The following ENPP6 variants were observed in gnomAD, a reference collection of about 807,000 sequenced individuals.
ENPP6 encodes the protein ectonucleotide pyrophosphatase/phosphodiesterase 6.
In ENPP6, 32 loss-of-function variants were observed where a neutral mutation model predicts 42.0. The observed-to-expected ratio is 0.76, with a 90% CI of 0.58 to 1.02. ENPP6 has a LOEUF of 1.02. ENPP6 is among the 50% of genes least tolerant of loss of function. The pLI is 0.00. For synonymous variants in ENPP6, 213 were observed against 216.0 expected, an observed-to-expected ratio of 0.99 and a Z score of 0.12; for missense variants, 552 against 566.8, an observed-to-expected ratio of 0.97 and a Z score of 0.27.
chr4:184,113,370 G>T (rs1490209906), intron 5 of ENPP6, among the ~76,000 whole-genome samples: 3 of 152,040 alleles, frequency 2.0e-5, no homozygotes, highest in Non-Finnish European at 4.4e-5. Flanking sequence ...GTAAACGGAG[G>T]TTTTAATAAT....
intron 2 of ENPP6, among the ~76,000 whole-genome samples, chr4:184,152,335 C>T (rs17486794): frequency 0.11 from 17,458 of 152,152 alleles, 1,255 homozygotes; most frequent in South Asian, 0.2. Flanking sequence ...TGAAGGCCCA[C>T]GCAATCCTTG....
At chr4:184,093,094 G>A (rs1213525575) in intron 7 of ENPP6, among the ~76,000 whole-genome samples, 1 of 152,146 alleles carries the variant, frequency 6.6e-6, no homozygotes, top group African/African-American at 2.4e-5. Flanking sequence ...AGGTGTGTGG[G>A]CTCTACCGCC....
intron 1 of ENPP6, among the ~76,000 whole-genome samples, chr4:184,171,714 A>C (rs1207182599): frequency 6.6e-6 from 1 of 152,244 alleles, no homozygotes. Flanking sequence ...TGATAGAATA[A>C]ATAGACATAT....
intron 1 of ENPP6, among the ~76,000 whole-genome samples, chr4:184,170,138 TC>T (rs1251923087): frequency 7.9e-5 from 12 of 152,348 alleles, no homozygotes; most frequent in African/African-American, 2.6e-4. Context: ...TTTATTTGAA[TC>T]AGCATTCAGG....
chr4:184,193,818 T>A (rs1461325362), intron 1 of ENPP6, among the ~76,000 whole-genome samples: 1 of 152,180 alleles, frequency 6.6e-6, no homozygotes, highest in Non-Finnish European at 1.5e-5. Flanking sequence ...TTTTCCTCCT[T>A]TCCAGCTCCC....
In ENPP6 at chr4:184,091,341, C is replaced by T. The variant is rs1226014124; in HGVS notation, c.1159G>A (p.Asp387Asn). Residue 387 changes from aspartate to asparagine, a missense_variant, in exon 8 of 8, where the codon GAC becomes AAC. Physicochemically the swap from Asp to Asn is conservative, Grantham distance 23. This residue lies in a region of ENPP6 where 545 missense variants were observed against 546.3 expected (regional missense o/e 1.00). Transcript: ENST00000296741. ...NFRAAPIRSV[D>N]VYNVMCNVVG... ...ACATTGCACATGACATTGTAGACGT[C>T]CACCGACCTGATAGGAGCAGCTCTG... 1.2e-6 allele frequency: 2 copies of T among 1,613,168 alleles called. No homozygotes were observed. Among genetic ancestry groups the T allele is most frequent in the East Asian group, 4.5e-5 (2 of 44,874 alleles).
chr4:184,131,259 T>TTTCTCTTTCTTTCTTTCTTTC lies in ENPP6; in HGVS notation c.422-6988_422-6987insGAAAGAAAGAAAGAAAGAGAA, dbSNP rs1553996065. Among the ~76,000 whole-genome samples the TTTCTCTTTCTTTCTTTCTTTC allele has an allele frequency of 1.4e-4, 10 of 73,338 alleles. 1 individual carries two copies. Among genetic ancestry groups the TTTCTCTTTCTTTCTTTCTTTC allele is most frequent in the African/African-American group, 4.4e-4 (8 of 18,310 alleles). The allele number at this position is 73,338 out of a possible 152,430, so 48.1% of individuals were successfully genotyped here. A position where few individuals can be genotyped will look rare whatever the true frequency, so the allele number is the denominator to read the frequency against. On this transcript the variant is annotated intron_variant, in intron 2 of 7. Transcript: ENST00000296741. Reference sequence around the variant, plus strand: ...CCTTTTCTTTCTTTCTTTCTCTTTCTCTTCCTTCCTTCCTTCCTTCCTTCC... The same window carrying TTTCTCTTTCTTTCTTTCTTTC: ...CCTTTTCTTTCTTTCTTTCTCTTTCTTTCTCTTTCTTTCTTTCTTTCCTTCCTTCCTTCCTTCCTTCCTTCC...
chr4:184,129,994 G>A (rs1736567404), intron 2 of ENPP6, among the ~76,000 whole-genome samples: 1 of 152,178 alleles, frequency 6.6e-6, no homozygotes, highest in African/African-American at 2.4e-5. Flanking sequence ...CGAATATAAA[G>A]AGGAAAACTT....
intron 2 of ENPP6, among the ~76,000 whole-genome samples, chr4:184,153,019 G>A (rs1737082630): frequency 6.6e-6 from 1 of 151,330 alleles, no homozygotes; most frequent in Admixed American, 6.6e-5. Context: ...GCTATCCTGT[G>A]GTGTTTGCTA....
intron 2 of ENPP6, among the ~76,000 whole-genome samples, chr4:184,136,265 G>GA (rs1416250598): frequency 6.6e-6 from 1 of 151,624 alleles, no homozygotes; most frequent in Non-Finnish European, 1.5e-5. Context: ...CAACTTCCCA[G>GA]AAAATACAAG....
At chr4:184,136,334 G>A (rs1579628757) in intron 2 of ENPP6, among the ~76,000 whole-genome samples, 1 of 151,810 alleles carries the variant, frequency 6.6e-6, no homozygotes, top group African/African-American at 2.4e-5. Flanking sequence ...TGCTTCTATT[G>A]TCATGTACTT....
intron 1 of ENPP6, among the ~76,000 whole-genome samples, chr4:184,212,172 C>A (rs1733123369): frequency 6.6e-6 from 1 of 151,816 alleles, no homozygotes; most frequent in Admixed American, 6.6e-5. Flanking sequence ...CCTTTGAAAA[C>A]TGGCACAAGA....
At chr4:184,189,418 C>T (rs754117317) in intron 1 of ENPP6, among the ~76,000 whole-genome samples, 2 of 152,188 alleles carry the variant, frequency 1.3e-5, no homozygotes, top group Non-Finnish European at 2.9e-5. Context: ...TAAATCATAA[C>T]TTTGAGTCTC....
chr4:184,112,028 A>G (rs764544670), intron 6 of ENPP6, among the ~76,000 whole-genome samples: 1 of 152,146 alleles, frequency 6.6e-6, no homozygotes, highest in Non-Finnish European at 1.5e-5. Context: ...AAATTCCTAA[A>G]ATAACCCATG....
At chr4:184,195,604 C>A (rs1006929599) in intron 1 of ENPP6, among the ~76,000 whole-genome samples, 1 of 152,224 alleles carries the variant, frequency 6.6e-6, no homozygotes. Context: ...CCCGTCCCCA[C>A]AGCCCCTGGC....
At position 184,109,094 on chromosome 4, in the gene ENPP6, T is replaced by C. The variant is rs980921437; in HGVS notation, c.993+3578A>G. On this transcript the variant is annotated intron_variant, in intron 6 of 7. Coordinates refer to ENST00000296741, the MANE Select transcript of ENPP6 (RefSeq NM_153343.4). ...GGCAGGGTGGTGGGCACCTGTAATCTCAGCTACTTGGGAGGCTGAGGCGGG... is the reference window on the plus strand; with the variant it reads ...GGCAGGGTGGTGGGCACCTGTAATCCCAGCTACTTGGGAGGCTGAGGCGGG... Among the ~76,000 whole-genome samples, 199 of 151,980 alleles carry C rather than the reference T, an allele frequency of 1.3e-3. 3 individuals carry two copies. The highest frequency in any genetic ancestry group is 0.013 in the Admixed American group (198 of 15,264).
chr4:184,140,311 T>C (rs1348960156), intron 2 of ENPP6, among the ~76,000 whole-genome samples: 1 of 151,628 alleles, frequency 6.6e-6, no homozygotes, highest in Non-Finnish European at 1.5e-5. Context: ...ATGGCCATAC[T>C]GCCCAAGGTA....
chr4:184,124,658 C>T (rs963890628), intron 2 of ENPP6, among the ~76,000 whole-genome samples: 3 of 152,140 alleles, frequency 2.0e-5, no homozygotes, highest in African/African-American at 7.2e-5. Context: ...TGTACTTTTG[C>T]CTCTTCTAGA....
intron 2 of ENPP6, among the ~76,000 whole-genome samples, chr4:184,134,274 T>C (rs1736693298): frequency 6.6e-6 from 1 of 152,100 alleles, no homozygotes; most frequent in African/African-American, 2.4e-5. Flanking sequence ...CCACCATGCC[T>C]GGCTTGATTT....
Sources: gnomAD v4.1 joint callset for allele counts (sites outside exome capture counted in the v4.1 genomes callset) on GRCh38, gnomAD v4.1.1 for gene constraint, gnomAD v4.1.1 regional missense constraint, MANE v1.5 for transcripts, NCBI Gene and HGNC (gene_info 2026-07-23, HGNC 2026-07-21) for gene names.